Variants in LMBRD1 observed in about 807,000 individuals in gnomAD.
LMBRD1 encodes the protein lysosomal cobalamin transport escort protein LMBD1.
A neutral mutation model predicts 74.8 loss-of-function variants in LMBRD1; 64 were observed. The observed-to-expected ratio is 0.86, with a 90% CI of 0.70 to 1.05. LMBRD1 has a LOEUF of 1.05. Among genes scored for constraint, LMBRD1 ranks in the 50% least tolerant of loss-of-function variants. The probability of loss-of-function intolerance (pLI) is 0.00; values close to 1 mark genes in which losing one functional copy is unlikely to be tolerated. For synonymous variants in LMBRD1, 204 were observed against 216.3 expected (o/e 0.94, Z 0.50); for missense variants, 652 against 645.9 (o/e 1.01, Z -0.10).
Position 69,697,605 on chromosome 6 carries a change from T to TTGAA in LMBRD1, c.1371_1374dup (p.Thr459PhefsTer10). Reference sequence around the variant, plus strand: ...TCACATCTCTTTGGCACAGAAAGGGTTGAATTGCCTTTATGATTATCAGAA... The same window carrying TTGAA: ...TCACATCTCTTTGGCACAGAAAGGGTTGAATGAATTGCCTTTATGATTATCAGAA... On this transcript the variant is annotated frameshift_variant, in exon 14 of 16. Coordinates refer to ENST00000649934, the MANE Select transcript of LMBRD1 (RefSeq NM_018368.4). LOFTEE classifies it high-confidence loss of function. 1 of 1,605,652 alleles carries TTGAA rather than the reference T, an allele frequency of 6.2e-7. No individual in the cohort carries two copies. Among genetic ancestry groups the TTGAA allele is most frequent in the East Asian group, 2.2e-5 (1 of 44,720 alleles).
intron 9 of LMBRD1, chr6:69,705,140 C>T (rs529356949): frequency 6.4e-5 from 30 of 469,288 alleles, no homozygotes; most frequent in African/African-American, 4.5e-4. Context: ...TTGGACAACA[C>T]ATTATTGGCA....
In LMBRD1 at chr6:69,755,437, TG is replaced by T. The variant is rs1442221090; in HGVS notation, c.308-3082del. Reference sequence around the variant, plus strand: ...CATACACTGGGGCCTGTCAGGGGGTTGGGTCAAGGCCGGGGGAGAGCATTAG... The same window carrying T: ...CATACACTGGGGCCTGTCAGGGGGTTGGTCAAGGCCGGGGGAGAGCATTAG... On this transcript the variant is annotated intron_variant, in intron 3 of 15. Coordinates refer to ENST00000649934, the MANE Select transcript of LMBRD1 (RefSeq NM_018368.4). Among the ~76,000 whole-genome samples the T allele has an allele frequency of 4.6e-5, 7 of 151,868 alleles. No individual in the cohort carries two copies. The East Asian group carries it at 1.4e-3, about 30-fold the overall frequency.
intron 9 of LMBRD1, chr6:69,705,473 T>C: frequency 7.8e-7 from 1 of 1,275,522 alleles, no homozygotes; most frequent in Non-Finnish European, 1.1e-6. Context: ...TTTTAGGAGA[T>C]TTTTCCTGTT....
At chr6:69,796,161 C>T (rs956926813) in intron 1 of LMBRD1, among the ~76,000 whole-genome samples, 1 of 152,154 alleles carries the variant, frequency 6.6e-6, no homozygotes, top group African/African-American at 2.4e-5. Flanking sequence ...CACCTGAGGT[C>T]AGACAGGTAG....
intron 13 of LMBRD1, among the ~76,000 whole-genome samples, 196 bp from the exon 14 acceptor site, chr6:69,697,837 A>G (rs1032591344): frequency 1.3e-5 from 2 of 152,084 alleles, no homozygotes; most frequent in Non-Finnish European, 2.9e-5. Flanking sequence ...TTTTTGCAAT[A>G]ATCCTTTAGG....
intron 7 of LMBRD1, among the ~76,000 whole-genome samples, chr6:69,721,066 G>C (rs1056362772): frequency 1.6e-4 from 24 of 152,200 alleles, no homozygotes; most frequent in African/African-American, 5.5e-4. Flanking sequence ...CCAGCCAGAG[G>C]GGAATCACTC....
intron 3 of LMBRD1, among the ~76,000 whole-genome samples, chr6:69,756,067 A>T (rs563368423): frequency 1.3e-5 from 2 of 152,320 alleles, no homozygotes. Flanking sequence ...CACATTAGAA[A>T]ATATACACAA....
chr6:69,786,440 C>T (rs943420701), intron 2 of LMBRD1, among the ~76,000 whole-genome samples: 1 of 151,364 alleles, frequency 6.6e-6, no homozygotes, highest in Non-Finnish European at 1.5e-5. Flanking sequence ...TTTATTTTTA[C>T]ATGTTGTGTA....
intron 14 of LMBRD1, among the ~76,000 whole-genome samples, chr6:69,689,697 C>T (rs1765837030): frequency 6.6e-6 from 1 of 152,024 alleles, no homozygotes; most frequent in South Asian, 2.1e-4. Context: ...AATATTCCTG[C>T]CCCAGAATTG....
chr6:69,788,243 C>G (rs543895545), intron 2 of LMBRD1, among the ~76,000 whole-genome samples: 17 of 152,070 alleles, frequency 1.1e-4, no homozygotes, highest in African/African-American at 3.6e-4. Flanking sequence ...ATGCTCAATT[C>G]TAAACTAAAA....
chr6:69,695,363 C>T (rs978409126), intron 14 of LMBRD1, among the ~76,000 whole-genome samples: 1 of 151,976 alleles, frequency 6.6e-6, no homozygotes, highest in Non-Finnish European at 1.5e-5. Context: ...TCCTTATCAG[C>T]TTGCCCTTAA....
chr6:69,706,111 T>G (rs1766250577), intron 9 of LMBRD1: 9 of 622,438 alleles, frequency 1.4e-5, no homozygotes, highest in South Asian at 1.2e-4. Flanking sequence ...ACCAAATAGA[T>G]AGTTCCAGGG....
intron 9 of LMBRD1, among the ~76,000 whole-genome samples, chr6:69,708,015 T>C (rs1004009354): frequency 6.6e-6 from 1 of 152,142 alleles, no homozygotes; most frequent in Non-Finnish European, 1.5e-5. Context: ...ATATGCAATA[T>C]AATTACAAAC....
At chr6:69,768,272 A>G (rs1318149691) in intron 3 of LMBRD1, among the ~76,000 whole-genome samples, 1 of 151,596 alleles carries the variant, frequency 6.6e-6, no homozygotes, top group Non-Finnish European at 1.5e-5. Flanking sequence ...TTACTACCTT[A>G]TTTTGTATTA....
chr6:69,732,343 C>A (rs1204328367), intron 7 of LMBRD1, among the ~76,000 whole-genome samples: 2 of 152,152 alleles, frequency 1.3e-5, no homozygotes, highest in Non-Finnish European at 2.9e-5. Context: ...TGCTTCCTCT[C>A]TCTCCCTGCT....
At chr6:69,726,695 A>C (rs1392328256) in intron 7 of LMBRD1, among the ~76,000 whole-genome samples, 1 of 151,972 alleles carries the variant, frequency 6.6e-6, no homozygotes, top group Non-Finnish European at 1.5e-5. Flanking sequence ...GAACTCGTGG[A>C]AACAGAGAAT....
In LMBRD1 at chr6:69,734,655, G is replaced by A. The variant is rs187756810; in HGVS notation, c.636+3287C>T. ...AGGTGACCCGCCCACCTCGGTCTCC[G>A]AAAGGGCTGGGATTACAGGCGTGAG... On this transcript the variant is annotated intron_variant, in intron 7 of 15. Coordinates refer to ENST00000649934, the MANE Select transcript of LMBRD1 (RefSeq NM_018368.4). 2.9e-3 allele frequency among the ~76,000 whole-genome samples: 440 copies of A among 152,176 alleles called. 2 individuals carry two copies. Among genetic ancestry groups the A allele is most frequent in the African/African-American group, 9.8e-3 (407 of 41,532 alleles).
intron 7 of LMBRD1, among the ~76,000 whole-genome samples, chr6:69,724,002 T>C (rs1159861275): frequency 6.6e-6 from 1 of 151,986 alleles, no homozygotes; most frequent in Admixed American, 6.6e-5. Context: ...ATTCAAAGGA[T>C]CATTAGTGGC....
intron 9 of LMBRD1, among the ~76,000 whole-genome samples, chr6:69,707,805 A>G (rs1766294357): frequency 6.6e-6 from 1 of 152,176 alleles, no homozygotes. Flanking sequence ...GATGGAGAGC[A>G]AAAGAGAAAT....
Sources: allele counts gnomAD v4.1 joint callset (sites outside exome capture counted in the v4.1 genomes callset), GRCh38; gene constraint gnomAD v4.1.1; transcripts MANE v1.5; gene names NCBI Gene and HGNC (gene_info 2026-07-23, HGNC 2026-07-21).